CCDC102B: variants seen among roughly 807,000 people sequenced by gnomAD.
CCDC102B encodes the protein coiled-coil domain containing 102B.
In CCDC102B, 75 loss-of-function variants were observed where a neutral mutation model predicts 57.4. That is an observed-to-expected ratio of 1.31 (90% CI 1.08 to 1.58). The LOEUF (loss-of-function observed/expected upper bound fraction) is 1.58. Ranked by LOEUF, CCDC102B falls within the 40% of genes most tolerant of loss-of-function variation. The pLI is 0.00. For synonymous variants in CCDC102B, 206 were observed against 201.9 expected (o/e 1.02, Z -0.17); for missense variants, 636 against 582.6 (o/e 1.09, Z -0.94).
chr18:68,906,029 G>A (rs951560246), intron 6 of CCDC102B, among the ~76,000 whole-genome samples: 2 of 151,954 alleles, frequency 1.3e-5, no homozygotes, highest in East Asian at 1.9e-4. Context: ...GCCTGACCTC[G>A]TGATCCACCT....
chr18:69,028,736 G>A lies in CCDC102B; in HGVS notation c.1434+17632G>A, dbSNP rs535067367. The stretch of plus-strand genomic sequence containing the variant: ...TTGTCTTATATAAAGTAGAATAACT[G>A]GTGACCTACAGTGATGACAGTTTTT... On this transcript the variant is annotated intron_variant, in intron 7 of 7. Transcript: ENST00000360242. Among the ~76,000 whole-genome samples the A allele has an allele frequency of 2.6e-5, 4 of 152,092 alleles. No homozygotes were observed. The South Asian group carries it at 8.3e-4, about 32-fold the overall frequency.
At chr18:68,910,761 A>G (rs2040810695) in intron 6 of CCDC102B, among the ~76,000 whole-genome samples, 1 of 152,222 alleles carries the variant, frequency 6.6e-6, no homozygotes, top group Admixed American at 6.5e-5. Context: ...TATTGTTTTC[A>G]GTGCTGTGTT....
chr18:68,903,537 A>G (rs561861913), intron 6 of CCDC102B, among the ~76,000 whole-genome samples: 168 of 152,340 alleles, frequency 1.1e-3, no homozygotes, highest in African/African-American at 3.9e-3. Context: ...AGTATGATCT[A>G]TAGTATCTAT....
chr18:68,822,320 G>C (rs978806498), intron 1 of CCDC102B, among the ~76,000 whole-genome samples: 4 of 151,894 alleles, frequency 2.6e-5, no homozygotes, highest in Non-Finnish European at 1.5e-5. Flanking sequence ...CTTGAACCTG[G>C]GAGGCGTAGG....
At chr18:68,826,853 T>C (rs1055882666) in intron 1 of CCDC102B, among the ~76,000 whole-genome samples, 32 of 152,302 alleles carry the variant, frequency 2.1e-4, no homozygotes, top group Admixed American at 3.3e-4. Flanking sequence ...ATAGCTATAA[T>C]CTATATTTGA....
At chr18:68,998,880 A>G (rs2051109819) in intron 6 of CCDC102B, among the ~76,000 whole-genome samples, 1 of 151,660 alleles carries the variant, frequency 6.6e-6, no homozygotes, top group Non-Finnish European at 1.5e-5. Context: ...TCCTTTGGCA[A>G]CACCCTCACA....
intron 6 of CCDC102B, among the ~76,000 whole-genome samples, chr18:68,979,780 G>A (rs1023712749): frequency 6.6e-6 from 1 of 151,900 alleles, no homozygotes; most frequent in Non-Finnish European, 1.5e-5. Flanking sequence ...CTGCAGGTTG[G>A]CAGGTTCAAC....
chr18:69,038,635 T>C (rs894687152), intron 7 of CCDC102B, among the ~76,000 whole-genome samples: 7 of 152,002 alleles, frequency 4.6e-5, no homozygotes, highest in South Asian at 2.1e-4. Context: ...TTTTACACTA[T>C]TTCCTTCCAA....
chr18:68,750,106 C>A lies in CCDC102B; in HGVS notation c.-67+33512C>A, dbSNP rs189306754. 5.2e-4 allele frequency among the ~76,000 whole-genome samples: 79 copies of A among 152,234 alleles called. 1 individual carries two copies. Among genetic ancestry groups the A allele is most frequent in the Non-Finnish European group, 5.9e-5 (4 of 68,022 alleles). The stretch of plus-strand genomic sequence containing the variant: ...CAAGAAAAAAAACAAACATCTCCAT[C>A]AAAAAGTGGGCAAAGGATATGAACA... On this transcript the variant is annotated intron_variant, in intron 2 of 3. Coordinates refer to the CCDC102B transcript ENST00000578970.
chr18:68,776,749 A>C (rs1193004966), intron 2 of CCDC102B, among the ~76,000 whole-genome samples: 1 of 151,912 alleles, frequency 6.6e-6, no homozygotes, highest in Non-Finnish European at 1.5e-5. Context: ...AATCTGTACA[A>C]AAAAAAACCC....
intron 7 of CCDC102B, among the ~76,000 whole-genome samples, chr18:69,046,900 A>C (rs1013665299): frequency 6.6e-6 from 1 of 152,008 alleles, no homozygotes; most frequent in Non-Finnish European, 1.5e-5. Flanking sequence ...AACATCAGAT[A>C]GTTATATGCA....
chr18:68,721,473 T>A (rs991454671), intron 2 of CCDC102B: 4 of 152,162 alleles, frequency 2.6e-5, no homozygotes, highest in Non-Finnish European at 5.9e-5. Context: ...TAATACAGGA[T>A]GCACTCTTCT....
chr18:68,722,933 C>T (rs982991421), intron 2 of CCDC102B, among the ~76,000 whole-genome samples: 1 of 128,080 alleles, frequency 7.8e-6, no homozygotes, highest in African/African-American at 3.0e-5. Context: ...TCAGGGAGTA[C>T]AAGTGCAGGT....
chr18:68,830,728 C>T (rs1433339680), intron 1 of CCDC102B, among the ~76,000 whole-genome samples: 1 of 146,098 alleles, frequency 6.8e-6, no homozygotes, highest in East Asian at 2.1e-4. Context: ...AATTTGTACA[C>T]TGGTGAGAAA....
At chr18:68,920,112 C>G (rs546832626) in intron 6 of CCDC102B, among the ~76,000 whole-genome samples, 77 of 152,240 alleles carry the variant, frequency 5.1e-4, no homozygotes, top group African/African-American at 1.8e-3. Flanking sequence ...TCCTCTCCCT[C>G]TCCCACCCTC....
chr18:68,881,784 T>C (rs1468049993), intron 5 of CCDC102B, among the ~76,000 whole-genome samples: 2 of 152,112 alleles, frequency 1.3e-5, no homozygotes, highest in East Asian at 3.9e-4. Context: ...AATTTATCTC[T>C]CCCATTCTCT....
intron 1 of CCDC102B, among the ~76,000 whole-genome samples, chr18:68,800,135 T>G (rs900462230): frequency 2.0e-5 from 3 of 152,154 alleles, no homozygotes; most frequent in Admixed American, 6.6e-5. Context: ...CATTTTGCAC[T>G]TGAAGGAACC....
At chr18:68,793,812 A>C (rs1211764992), upstream of CCDC102B, among the ~76,000 whole-genome samples, 1 of 152,188 alleles carries the variant, frequency 6.6e-6, no homozygotes, top group Non-Finnish European at 1.5e-5. Flanking sequence ...GAAAACAGAC[A>C]GGTACATAAA....
intron 7 of CCDC102B, among the ~76,000 whole-genome samples, chr18:69,036,655 A>T (rs959318334): frequency 5.3e-5 from 8 of 152,204 alleles, no homozygotes; most frequent in Middle Eastern, 3.4e-3. Context: ...CTTGAAATAC[A>T]TGCATGAATA....
Sources: allele counts gnomAD v4.1 joint callset (sites outside exome capture counted in the v4.1 genomes callset), GRCh38; gene constraint gnomAD v4.1.1; transcripts MANE v1.5; gene names NCBI Gene and HGNC (gene_info 2026-07-23, HGNC 2026-07-21).